The following CCNJL variants were observed in gnomAD, a reference collection of about 807,000 sequenced individuals.
The protein encoded by CCNJL is cyclin-J-like protein.
Under a neutral mutation model 33.4 loss-of-function variants are expected in CCNJL, and 33 were observed. The observed-to-expected ratio is 0.99, with a 90% CI of 0.75 to 1.32. The LOEUF is 1.32. CCNJL is among the 40% of genes most tolerant of loss of function. CCNJL has a pLI of 0.00. For missense variants in CCNJL, 512 were observed against 499.7 expected (o/e 1.02, Z -0.23); for synonymous variants, 227 against 220.9 (o/e 1.03, Z -0.24).
intron 1 of CCNJL, 117 bp from the exon 2 acceptor site, chr5:160,312,089 C>T (rs1262206524): frequency 6.2e-6 from 4 of 649,792 alleles, no homozygotes; most frequent in African/African-American, 5.4e-5. Flanking sequence ...TCCTGCGCCG[C>T]TCAGAGGAGC....
chr5:160,323,991 C>T (rs1434455747), intron 1 of CCNJL, among the ~76,000 whole-genome samples: 1 of 152,174 alleles, frequency 6.6e-6, no homozygotes. Flanking sequence ...GGCCTGTGGG[C>T]TTGGGCTGGA....
chr5:160,321,918 A>C (rs1461089333), intron 1 of CCNJL, among the ~76,000 whole-genome samples: 1 of 152,186 alleles, frequency 6.6e-6, no homozygotes, highest in African/African-American at 2.4e-5. Flanking sequence ...GCCCCCTACC[A>C]GCAGGTAACC....
intron 1 of CCNJL, chr5:160,326,985 G>A: frequency 1.8e-6 from 1 of 559,742 alleles, no homozygotes; most frequent in Non-Finnish European, 3.4e-6. Flanking sequence ...AATGAACAAT[G>A]AAGTGAGAAA....
intron 1 of CCNJL, among the ~76,000 whole-genome samples, chr5:160,329,502 C>T (rs929489166): frequency 6.6e-6 from 1 of 152,042 alleles, no homozygotes; most frequent in African/African-American, 2.4e-5. Flanking sequence ...AGGCGCCCAC[C>T]ACCACGCCGG....
intron 1 of CCNJL, among the ~76,000 whole-genome samples, chr5:160,334,395 T>C (rs1483303166): frequency 6.6e-6 from 1 of 152,192 alleles, no homozygotes; most frequent in Non-Finnish European, 1.5e-5. Flanking sequence ...AATAAAATGA[T>C]ACAAATCCAT....
At chr5:160,303,057 T>C (rs1001536895) in intron 2 of CCNJL, among the ~76,000 whole-genome samples, 1 of 152,192 alleles carries the variant, frequency 6.6e-6, no homozygotes, top group Non-Finnish European at 1.5e-5. Flanking sequence ...CAAAATCACA[T>C]TCATGTGTTA....
chr5:160,286,170 C>T lies in CCNJL; in HGVS notation c.67-5432G>A, dbSNP rs114671091. On this transcript the variant is annotated intron_variant, in intron 2 of 5. Transcript: ENST00000257536. ...CCCCAAACACAAGTCAGATAGGCAA[C>T]GTCTTGACCTCCCTCCCCACTCAAC... Among the ~76,000 whole-genome samples, 1,446 of 152,298 alleles carry T rather than the reference C, an allele frequency of 9.5e-3. 13 individuals carry two copies. The highest frequency in any genetic ancestry group is 0.026 in the African/African-American group (1,060 of 41,564).
In CCNJL at chr5:160,253,433, C is replaced by G; in HGVS notation, c.1109G>C (p.Gly370Ala). Residue 370 changes from glycine to alanine, a missense_variant, in exon 6 of 6, where the codon GGA becomes GCA. Gly to Ala is a moderately conservative substitution (Grantham distance 60). Coordinates refer to ENST00000257536, the MANE Select transcript of CCNJL (RefSeq NM_001308173.3). ...GTGGCTCCCACTGAAGTAGCTGCTT[C>G]CATAGGTGGTGGCGAGGCAGTGCCT... ...EPRHCLATTY[G>A]SSYFSGSHMF... is the part of the protein sequence containing the mutation. The G allele has an allele frequency of 6.2e-7, 1 of 1,609,222 alleles. No individual in the cohort carries two copies.
chr5:160,282,910 C>G (rs1762260434), intron 2 of CCNJL, among the ~76,000 whole-genome samples: 1 of 141,030 alleles, frequency 7.1e-6, no homozygotes, highest in East Asian at 2.1e-4. Flanking sequence ...AGTCTGGAAA[C>G]TCCTTAAAAT....
At chr5:160,299,325 T>C (rs1213057489) in intron 2 of CCNJL, among the ~76,000 whole-genome samples, 1 of 152,104 alleles carries the variant, frequency 6.6e-6, no homozygotes, top group Non-Finnish European at 1.5e-5. Context: ...AATTTTTTTG[T>C]ATTTTTAGTA....
intron 2 of CCNJL, among the ~76,000 whole-genome samples, chr5:160,305,566 C>A (rs1409144287): frequency 2.6e-5 from 4 of 152,194 alleles, no homozygotes; most frequent in African/African-American, 4.8e-5. Context: ...AGAGCACATC[C>A]GTTGGAGAGC....
At chr5:160,282,829 G>C (rs546342587) in intron 2 of CCNJL, among the ~76,000 whole-genome samples, 1 of 151,156 alleles carries the variant, frequency 6.6e-6, no homozygotes, top group East Asian at 1.9e-4. Context: ...TACAAGTGCT[G>C]GATAGGGGCA....
At chr5:160,263,607 C>T (rs558713623) in intron 3 of CCNJL, among the ~76,000 whole-genome samples, 2 of 152,348 alleles carry the variant, frequency 1.3e-5, no homozygotes, top group African/African-American at 4.8e-5. Flanking sequence ...CTGTCCTTCT[C>T]ACCCACTGGA....
intron 2 of CCNJL, among the ~76,000 whole-genome samples, chr5:160,305,826 G>A (rs938433175): frequency 6.6e-5 from 10 of 152,168 alleles, no homozygotes; most frequent in African/African-American, 1.7e-4. Flanking sequence ...TAATATATGG[G>A]AGCATGCTGG....
intron 3 of CCNJL, among the ~76,000 whole-genome samples, chr5:160,266,009 C>G (rs1025611985): frequency 6.6e-6 from 1 of 152,192 alleles, no homozygotes; most frequent in Non-Finnish European, 1.5e-5. Context: ...AGTTGAGATC[C>G]CATAGCTATC....
chr5:160,250,382 C>T lies in CCNJL; in HGVS notation c.*2996G>A, dbSNP rs1385660226. ...AGCCTTGCACACAGCGGGTGGTGAGCACTGCCCTCAGCCCCGCCCTTGGCG... is the reference window on the plus strand; with the variant it reads ...AGCCTTGCACACAGCGGGTGGTGAGTACTGCCCTCAGCCCCGCCCTTGGCG... On this transcript the variant is annotated 3_prime_UTR_variant, in exon 6 of 6. Transcript: ENST00000257536. The T allele has an allele frequency of 6.6e-6, 1 of 152,258 alleles. No homozygotes were observed. The highest frequency in any genetic ancestry group is 2.4e-5 in the African/African-American group (1 of 41,470). The allele number at this position is 152,258 out of a possible 1,614,324, so 9.4% of individuals were successfully genotyped here. A position where few individuals can be genotyped will look rare whatever the true frequency, so the allele number is the denominator to read the frequency against.
In CCNJL at chr5:160,253,748, A is replaced by C. The variant is rs751951751; in HGVS notation, c.794T>G (p.Leu265Trp). ...KDAVAVKSQA[L>W]AMVPGTPPTP... ...GGGGGGTGTGCCGGGCACCATTGCC[A>C]AGGCCTGGCTCTTGACGGCTACGGC... Residue 265 changes from leucine to tryptophan, a missense_variant, in exon 6 of 6, where the codon TTG (leucine) becomes TGG (tryptophan). Transcript: ENST00000257536. 6.4e-7 allele frequency: 1 copy of C among 1,554,622 alleles called. No individual in the cohort carries two copies. The highest frequency in any genetic ancestry group is 1.4e-5 in the African/African-American group (1 of 73,930).
chr5:160,285,449 G>A (rs1762372876), intron 2 of CCNJL, among the ~76,000 whole-genome samples: 1 of 152,148 alleles, frequency 6.6e-6, no homozygotes, highest in Non-Finnish European at 1.5e-5. Flanking sequence ...GAGGGAGGGA[G>A]AGGCAGTAAA....
chr5:160,301,956 C>G (rs1762937795), intron 2 of CCNJL, among the ~76,000 whole-genome samples: 1 of 151,330 alleles, frequency 6.6e-6, no homozygotes, highest in Admixed American at 6.6e-5. Flanking sequence ...TCTCGAACTC[C>G]TGGCCTCATG....
Sources: gnomAD v4.1 joint callset for allele counts (sites outside exome capture counted in the v4.1 genomes callset) on GRCh38, gnomAD v4.1.1 for gene constraint, MANE v1.5 for transcripts, NCBI Gene and HGNC (gene_info 2026-07-23, HGNC 2026-07-21) for gene names.